The following NAV2 variants were observed in gnomAD, a reference collection of about 807,000 sequenced individuals.
NAV2 encodes helicase, APC down-regulated 1.
In NAV2, 54 loss-of-function variants were observed where a neutral mutation model predicts 223.2. That is an observed-to-expected ratio of 0.24 (90% CI 0.19 to 0.30). The LOEUF (loss-of-function observed/expected upper bound fraction) is 0.30. Among genes scored for constraint, NAV2 ranks in the 10% least tolerant of loss-of-function variants. The pLI is 1.00. For missense variants in NAV2, 2,806 were observed against 3,147.5 expected, an observed-to-expected ratio of 0.89 and a Z score of 2.60; for synonymous variants, 1,279 against 1,239.3, an observed-to-expected ratio of 1.03 and a Z score of -0.67.
rs766265642 is a variant in NAV2, at chr11:19,713,157, T to A, written c.-539T>A. Among the ~76,000 whole-genome samples, 21 of 126,022 alleles carry A rather than the reference T, an allele frequency of 1.7e-4. No individual in the cohort carries two copies. Among genetic ancestry groups the A allele is most frequent in the Non-Finnish European group, 3.7e-4 (21 of 57,034 alleles). The allele number at this position is 126,022 out of a possible 152,430, so 82.7% of individuals were successfully genotyped here. A position where few individuals can be genotyped will look rare whatever the true frequency, so the allele number is the denominator to read the frequency against. ...TGGCAGCTGCCTCTCGGTGGAGACG[T>A]CTTGGGACCCTTGCGCCCTTCTTCT... On this transcript the variant is annotated 5_prime_UTR_variant, in exon 1 of 38. Transcript: ENST00000349880. This position sits in a 1 kb window ranked among gnomAD's most constrained non-coding sequence, Gnocchi z 7.2.
intron 26 of NAV2, among the ~76,000 whole-genome samples, chr11:20,088,907 ATTTTG>A (rs1752335426): frequency 6.6e-6 from 1 of 151,992 alleles, no homozygotes. Context: ...TCACAGTGAA[ATTTTG>A]TTCAGACTTT....
intron 1 of NAV2, among the ~76,000 whole-genome samples, chr11:19,490,825 CAT>C (rs1755985901): frequency 6.6e-6 from 1 of 152,188 alleles, no homozygotes; most frequent in Non-Finnish European, 1.5e-5. Flanking sequence ...TATGAGAAAT[CAT>C]AATCCATGGC....
chr11:19,515,100 T>C (rs2043404316), intron 1 of NAV2, among the ~76,000 whole-genome samples: 2 of 152,218 alleles, frequency 1.3e-5, no homozygotes, highest in Non-Finnish European at 2.9e-5. Flanking sequence ...ATATAACTTG[T>C]ATAAGCATCA....
chr11:19,910,698 A>C (rs1361733351), intron 6 of NAV2, among the ~76,000 whole-genome samples: 1 of 152,086 alleles, frequency 6.6e-6, no homozygotes, highest in Non-Finnish European at 1.5e-5. Flanking sequence ...ATGTCTACTA[A>C]ATACAAAAAA....
intron 10 of NAV2, among the ~76,000 whole-genome samples, chr11:19,974,677 G>T (rs1392663573): frequency 6.6e-6 from 1 of 152,190 alleles, no homozygotes; most frequent in Non-Finnish European, 1.5e-5. Flanking sequence ...TGCTCAGGAG[G>T]CTGAGACGGG....
At chr11:19,687,939 T>C (rs2049069392) in intron 1 of NAV2, among the ~76,000 whole-genome samples, 1 of 152,192 alleles carries the variant, frequency 6.6e-6, no homozygotes. Flanking sequence ...GAGATTCATC[T>C]AGAGAGCCCC....
intron 36 of NAV2, among the ~76,000 whole-genome samples, chr11:20,111,042 C>T (rs1449569754): frequency 3.3e-5 from 5 of 152,144 alleles, no homozygotes; most frequent in Non-Finnish European, 7.4e-5. Flanking sequence ...ACACCCGTGC[C>T]AGGAGGAAAC....
At chr11:19,926,938 C>A (rs2044807518) in intron 6 of NAV2, among the ~76,000 whole-genome samples, 1 of 152,138 alleles carries the variant, frequency 6.6e-6, no homozygotes, top group Admixed American at 6.5e-5. Context: ...CAGGAGAGAC[C>A]TGGGGCCAGT....
chr11:19,645,880 G>A (rs1024692619), intron 1 of NAV2, among the ~76,000 whole-genome samples: 2 of 152,136 alleles, frequency 1.3e-5, no homozygotes, highest in African/African-American at 4.8e-5. Flanking sequence ...AGCCCAGAGA[G>A]GTTAAGTGAC....
chr11:19,418,593 G>A (rs902048032), intron 1 of NAV2, among the ~76,000 whole-genome samples: 6 of 152,200 alleles, frequency 3.9e-5, no homozygotes, highest in East Asian at 3.8e-4. Flanking sequence ...GTAGGAGAGC[G>A]TAGGGGCACA....
chr11:19,618,408 G>GGATGAATA (rs1565105315), intron 1 of NAV2, among the ~76,000 whole-genome samples: 13 of 142,218 alleles, frequency 9.1e-5, no homozygotes, highest in African/African-American at 3.7e-4. Flanking sequence ...ATAGATGGAT[G>GGATGAATA]GATGGATGGA....
chr11:19,424,748 G>A (rs1032032447), intron 1 of NAV2, among the ~76,000 whole-genome samples: 1 of 151,668 alleles, frequency 6.6e-6, no homozygotes, highest in South Asian at 2.1e-4. Flanking sequence ...ATAGGGTTTC[G>A]CCATGTTGGC....
At chr11:19,467,713 T>G (rs1852419129) in intron 1 of NAV2, among the ~76,000 whole-genome samples, 1 of 152,212 alleles carries the variant, frequency 6.6e-6, no homozygotes, top group Non-Finnish European at 1.5e-5. Flanking sequence ...ATCAGCGTCC[T>G]GTCTTTGGAG....
intron 6 of NAV2, among the ~76,000 whole-genome samples, chr11:19,920,583 G>T (rs555197212): frequency 1.3e-5 from 2 of 152,278 alleles, no homozygotes; most frequent in South Asian, 4.2e-4. Context: ...CACCGAGCCC[G>T]GCTAAATGAA....
chr11:19,346,431 C>T (rs1466061647), upstream of NAV2, among the ~76,000 whole-genome samples: 3 of 152,176 alleles, frequency 2.0e-5, no homozygotes, highest in African/African-American at 7.2e-5. Flanking sequence ...CGGTTAGCTG[C>T]GGGCGGCGGG....
At chr11:19,482,226 A>G (rs1178848519) in intron 1 of NAV2, among the ~76,000 whole-genome samples, 1 of 152,192 alleles carries the variant, frequency 6.6e-6, no homozygotes, top group African/African-American at 2.4e-5. Flanking sequence ...AGATAGTGAA[A>G]CTGAAGCCCA....
At chr11:19,554,396 G>C (rs1443580375) in intron 1 of NAV2, among the ~76,000 whole-genome samples, 1 of 152,184 alleles carries the variant, frequency 6.6e-6, no homozygotes, top group Admixed American at 6.5e-5. Context: ...GGATGTTAGA[G>C]AGCAGGAAGT....
intron 1 of NAV2, among the ~76,000 whole-genome samples, chr11:19,558,197 C>G (rs72895882): frequency 2.0e-5 from 3 of 152,284 alleles, no homozygotes; most frequent in Non-Finnish European, 4.4e-5. Flanking sequence ...TTTCAGTTAT[C>G]TATTGCTGCG....
At chr11:19,948,512 G>A (rs2047120127) in intron 9 of NAV2, among the ~76,000 whole-genome samples, 179 bp from the exon 10 acceptor site, 1 of 152,206 alleles carries the variant, frequency 6.6e-6, no homozygotes, top group Non-Finnish European at 1.5e-5. Flanking sequence ...TTATGTAGAT[G>A]TGTAGCTTTC....
Sources: gnomAD v4.1 joint callset for allele counts (sites outside exome capture counted in the v4.1 genomes callset) on GRCh38, gnomAD v4.1.1 for gene constraint, Gnocchi (gnomAD v3.1) non-coding constraint, MANE v1.5 for transcripts, NCBI Gene and HGNC (gene_info 2026-07-23, HGNC 2026-07-21) for gene names.